Variants in AXIN1 observed in about 807,000 individuals in gnomAD.
The protein encoded by AXIN1 is axin 1, also known as axin-1.
A neutral mutation model predicts 76.4 loss-of-function variants in AXIN1; 30 were observed. The observed-to-expected ratio is 0.39, with a 90% CI of 0.29 to 0.53. The LOEUF is 0.53. Among genes scored for constraint, AXIN1 ranks in the 20% least tolerant of loss-of-function variants. The pLI, the probability that AXIN1 is intolerant of heterozygous loss-of-function variation, is 0.66. For missense variants in AXIN1, 1,140 were observed against 1,198.8 expected (o/e 0.95, Z 0.72); for synonymous variants, 545 against 501.4 (o/e 1.09, Z -1.16).
intron 2 of AXIN1, among the ~76,000 whole-genome samples, chr16:326,524 G>A (rs1007104587): frequency 6.6e-6 from 1 of 151,144 alleles, no homozygotes; most frequent in Non-Finnish European, 1.5e-5. Context: ...CAAGGCGGGC[G>A]GATCATGAGA....
chr16:318,598 T>A (rs975600124), intron 2 of AXIN1, among the ~76,000 whole-genome samples: 2 of 152,122 alleles, frequency 1.3e-5, no homozygotes, highest in African/African-American at 4.8e-5. Context: ...GGAGGTCACA[T>A]GGGAGTTCCA....
Position 298,881 on chromosome 16 carries a change from C to T in AXIN1, c.1255-630G>A, listed in dbSNP as rs866657480. ...CCTCCTGGGTTCAAGTGATTCTCCT[C>T]CTTCAGCCTCCCAAGTAGCTGAGAC... On this transcript the variant is annotated intron_variant, in intron 5 of 10. Transcript: ENST00000262320. Among the ~76,000 whole-genome samples the T allele has an allele frequency of 4.3e-4, 65 of 152,086 alleles. No individual in the cohort carries two copies. In the Middle Eastern group the frequency reaches 0.01, roughly 24 times the overall value.
At chr16:304,111 C>G (rs1224392408) in intron 5 of AXIN1, among the ~76,000 whole-genome samples, 193 bp downstream of exon 5, 2 of 152,186 alleles carry the variant, frequency 1.3e-5, no homozygotes, top group Non-Finnish European at 2.9e-5. Context: ...TGGCATGGGG[C>G]CGCTGGGACA....
chr16:297,156 C>G lies in AXIN1; in HGVS notation c.1855G>C (p.Val619Leu), dbSNP rs866706802. ...TCCGCATCCTCCGAGGCACCTGGCA[C>G]CTCGGTGCTGGCGCTCTTCCCCGAC... Reference protein sequence around the residue: ...AESGKSASTEVPGASEDAEKN... With the variant: ...AESGKSASTELPGASEDAEKN... Residue 619 changes from valine to leucine, a missense_variant, in exon 7 of 11, where the codon GTG (valine) becomes CTG (leucine). Val to Leu is a conservative substitution (Grantham distance 32). Transcript: ENST00000262320. The G allele has an allele frequency of 1.1e-5, 17 of 1,612,328 alleles. 2 individuals carry two copies. The Middle Eastern group carries it at 2.6e-3, about 250-fold the overall frequency.
intron 2 of AXIN1, among the ~76,000 whole-genome samples, chr16:314,963 A>G (rs1230644162): frequency 6.6e-6 from 1 of 152,152 alleles, no homozygotes; most frequent in Admixed American, 6.5e-5. Context: ...ACACGTGATC[A>G]TTTGGGTTTG....
At chr16:311,982 G>A (rs933887979) in intron 3 of AXIN1, among the ~76,000 whole-genome samples, 4 of 152,178 alleles carry the variant, frequency 2.6e-5, no homozygotes, top group Non-Finnish European at 5.9e-5. Flanking sequence ...ATGGTGAGCC[G>A]AGTCCAGGTC....
At chr16:298,330 C>G (rs1310442911) in intron 5 of AXIN1, 79 bp from the exon 6 acceptor site, 3 of 1,526,774 alleles carry the variant, frequency 2.0e-6, no homozygotes, top group Non-Finnish European at 2.6e-6. Context: ...CAGGCCTGAC[C>G]CAGCAGCCCC....
rs2053362154 is a variant in AXIN1, at chr16:318,699, T to C, written c.879-4016A>G. Among the ~76,000 whole-genome samples the C allele has an allele frequency of 2.6e-5, 4 of 152,326 alleles. No individual in the cohort carries two copies. In the South Asian group the frequency reaches 8.3e-4, roughly 32 times the overall value. ...TGCGCCTATGGATGCGTGCTTTGTGTGTGCATGCCCACGTATCCATCTGTG... is the reference window on the plus strand; with the variant it reads ...TGCGCCTATGGATGCGTGCTTTGTGCGTGCATGCCCACGTATCCATCTGTG... On this transcript the variant is annotated intron_variant, in intron 2 of 10. Coordinates refer to ENST00000262320, the MANE Select transcript of AXIN1 (RefSeq NM_003502.4).
intron 7 of AXIN1, among the ~76,000 whole-genome samples, chr16:296,555 G>T (rs8062130): frequency 0.022 from 3,416 of 152,278 alleles, 130 homozygotes; most frequent in African/African-American, 0.068. Flanking sequence ...GACCTGTGGC[G>T]CCGGGGCCTT....
chr16:348,500 A>G lies in AXIN1; in HGVS notation c.-81-1394T>C, dbSNP rs141873979. Among the ~76,000 whole-genome samples the G allele has an allele frequency of 2.5e-3, 376 of 152,348 alleles. 3 individuals are homozygous for G. The highest frequency in any genetic ancestry group is 8.5e-3 in the African/African-American group (352 of 41,576). The stretch of plus-strand genomic sequence containing the variant: ...CAGCCAACAGCTGCTCACGGCTGGA[A>G]GCACGAAGGATCCACAGAGCCAGGC... On this transcript the variant is annotated intron_variant, in intron 1 of 10. Coordinates refer to ENST00000262320, the MANE Select transcript of AXIN1 (RefSeq NM_003502.4).
At chr16:311,125 G>T (rs965503546) in intron 3 of AXIN1, among the ~76,000 whole-genome samples, 1 of 135,774 alleles carries the variant, frequency 7.4e-6, no homozygotes, top group Admixed American at 7.5e-5. Flanking sequence ...CCGCTCCCGG[G>T]TTCACGCCAT....
At chr16:323,263 C>A (rs562208229) in intron 2 of AXIN1, among the ~76,000 whole-genome samples, 81 of 151,102 alleles carry the variant, frequency 5.4e-4, no homozygotes, top group Middle Eastern at 6.9e-3. Flanking sequence ...CACGGTGAAA[C>A]CCCGTCTCTA....
Position 352,653 on chromosome 16 carries a change from T to C in AXIN1, c.-366A>G, listed in dbSNP as rs986618914. 5.8e-5 allele frequency: 9 copies of C among 155,910 alleles called. 1 individual carries two copies. The highest frequency in any genetic ancestry group is 2.2e-4 in the African/African-American group (9 of 41,038). 9.7% of individuals were successfully genotyped at this position (155,910 alleles called of 1,614,324 possible). A position where few individuals can be genotyped will look rare whatever the true frequency, so the allele number is the denominator to read the frequency against. On this transcript the variant is annotated 5_prime_UTR_variant, in exon 1 of 11. Coordinates refer to ENST00000262320, the MANE Select transcript of AXIN1 (RefSeq NM_003502.4). ...GGCGGCGGCAGCGGCCACGATCGCC[T>C]CCCGAGCCAGAGCCCGAGCCAGAGC...
intron 1 of AXIN1, among the ~76,000 whole-genome samples, chr16:351,595 G>C (rs1344407980): frequency 2.0e-5 from 3 of 150,218 alleles, no homozygotes; most frequent in Non-Finnish European, 3.0e-5. Flanking sequence ...GGGCTACAGT[G>C]CGAGACTCCG....
At chr16:288,453 T>C in intron 10 of AXIN1, 1 of 729,008 alleles carries the variant, frequency 1.4e-6, no homozygotes, top group South Asian at 1.7e-5. Context: ...CCATGGGGGG[T>C]GAGTTCACTG....
rs528231840 is a variant in AXIN1, at chr16:350,906, C to A, written c.-82+1463G>T. 1.4e-4 allele frequency among the ~76,000 whole-genome samples: 21 copies of A among 152,140 alleles called. No homozygotes were observed. In the South Asian group the frequency reaches 4.1e-3, roughly 30 times the overall value. On this transcript the variant is annotated intron_variant, in intron 1 of 10. Coordinates refer to ENST00000262320, the MANE Select transcript of AXIN1 (RefSeq NM_003502.4). ...CAGCACTTTGGGAGGCCGAGGTGGGCGGATCACCTGAGGTCGGGAGTTCAA... is the reference window on the plus strand; with the variant it reads ...CAGCACTTTGGGAGGCCGAGGTGGGAGGATCACCTGAGGTCGGGAGTTCAA...
At chr16:339,768 G>A (rs2053879179) in intron 2 of AXIN1, among the ~76,000 whole-genome samples, 1 of 151,998 alleles carries the variant, frequency 6.6e-6, no homozygotes, top group Admixed American at 6.5e-5. Flanking sequence ...CCCAGGCAAG[G>A]GGAGCCCACG....
intron 7 of AXIN1, among the ~76,000 whole-genome samples, chr16:295,851 C>T (rs1260490691): frequency 6.6e-6 from 1 of 152,104 alleles, no homozygotes; most frequent in African/African-American, 2.4e-5. Context: ...CCTGTAATCC[C>T]AGCTACTCGG....
chr16:301,929 A>C (rs1027842376), intron 5 of AXIN1, among the ~76,000 whole-genome samples: 5 of 152,236 alleles, frequency 3.3e-5, no homozygotes, highest in African/African-American at 4.8e-5. Flanking sequence ...CCAAATGATG[A>C]TGCTGACGTC....
Sources: allele counts gnomAD v4.1 joint callset (sites outside exome capture counted in the v4.1 genomes callset), GRCh38; gene constraint gnomAD v4.1.1; transcripts MANE v1.5; gene names NCBI Gene and HGNC (gene_info 2026-07-23, HGNC 2026-07-21).